FANCM: variants seen among roughly 807,000 people sequenced by gnomAD.
FANCM encodes the protein Fanconi anemia group M protein.
In FANCM, 140 loss-of-function variants were observed where a neutral mutation model predicts 199.5. The observed-to-expected ratio is 0.70, with a 90% CI of 0.61 to 0.81. The LOEUF is 0.81. Among genes scored for constraint, FANCM ranks in the 30% least tolerant of loss-of-function variants. The pLI is 0.00. For missense variants in FANCM, 2,410 were observed against 2,421.4 expected, an observed-to-expected ratio of 1.00 and a Z score of 0.10; for synonymous variants, 840 against 836.8, an observed-to-expected ratio of 1.00 and a Z score of -0.07.
chr14:45,169,035 CCTCAGCCTCCCA>C (rs1888167908), intron 11 of FANCM, among the ~76,000 whole-genome samples: 1 of 152,002 alleles, frequency 6.6e-6, no homozygotes, highest in Admixed American at 6.6e-5. Flanking sequence ...AATTCTCCTG[CCTCAGCCTCCCA>C]AGTAGCTGGG....
Position 45,176,151 on chromosome 14 carries a change from A to G in FANCM, c.3397A>G (p.Ser1133Gly). 2 of 1,613,996 alleles carry G rather than the reference A, an allele frequency of 1.2e-6. No homozygotes were observed. Among genetic ancestry groups the G allele is most frequent in the Non-Finnish European group, 1.7e-6 (2 of 1,179,928 alleles). ...LPVLSTDQDE[S>G]LLLFEDVNTE... ...AGTATTGTCCACTGATCAAGATGAA[A>G]GTTTGCTGTTATTTGAAGATGTTAA... Residue 1133 changes from serine (S) to glycine (G), a missense_variant, in exon 14 of 23, where the codon AGT (serine) becomes GGT (glycine). By Grantham distance (56) the Ser-to-Gly change is moderately conservative (BLOSUM62 0). Transcript: ENST00000267430.
At chr14:45,149,037 T>G in intron 4 of FANCM, 42 bp downstream of exon 4, 1 of 1,409,488 alleles carries the variant, frequency 7.1e-7, no homozygotes, top group East Asian at 2.3e-5. Context: ...ATAAATAAAC[T>G]GGTAATTGAA....
chr14:45,197,324 TGAA>T (rs1348587510), intron 21 of FANCM, among the ~76,000 whole-genome samples: 1 of 152,160 alleles, frequency 6.6e-6, no homozygotes, highest in Non-Finnish European at 1.5e-5. Flanking sequence ...GCGGAAGAAT[TGAA>T]GAATTATACT....
chr14:45,155,926 T>A (rs1887156401), intron 8 of FANCM, among the ~76,000 whole-genome samples: 1 of 152,124 alleles, frequency 6.6e-6, no homozygotes, highest in Non-Finnish European at 1.5e-5. Flanking sequence ...TGTGAGAAAT[T>A]TTGGAAGGGC....
At chr14:45,187,227 T>C (rs1306416365) in intron 18 of FANCM, among the ~76,000 whole-genome samples, 1 of 151,812 alleles carries the variant, frequency 6.6e-6, no homozygotes, top group African/African-American at 2.4e-5. Flanking sequence ...TTTTTTAAAG[T>C]ACCTCGAAAT....
chr14:45,145,968 A>G (rs2139139064), intron 3 of FANCM, among the ~76,000 whole-genome samples: 1 of 147,476 alleles, frequency 6.8e-6, no homozygotes, highest in Admixed American at 6.7e-5. Context: ...CTGAGGCAGG[A>G]GAATGGCGTG....
At chr14:45,187,758 T>G (rs1215602070) in intron 18 of FANCM, 23 bp from the exon 19 acceptor site, 1 of 1,167,728 alleles carries the variant, frequency 8.6e-7, no homozygotes, top group Non-Finnish European at 1.3e-6. Context: ...TGCTAATTTA[T>G]CTAAATTCTT....
In FANCM at chr14:45,136,077, A is replaced by G. The variant is rs755236908; in HGVS notation, c.46A>G (p.Ile16Val). The change falls in exon 1 of 23, where the codon ATC becomes GTC. Residue 16 changes from isoleucine (I) to valine (V), a missense_variant. Physicochemically the swap from Ile to Val is conservative, Grantham distance 29. Coordinates refer to ENST00000267430, the MANE Select transcript of FANCM (RefSeq NM_020937.4). ...RTLFQTWGSS[I>V]SRSSGTPGCS... The stretch of plus-strand genomic sequence containing the variant: ...GCTTTTTCAGACGTGGGGCTCAAGT[A>G]TCTCCCGATCATCTGGGACTCCGGG... 1.2e-6 allele frequency: 2 copies of G among 1,614,024 alleles called. No individual in the cohort carries two copies. The highest frequency in any genetic ancestry group is 1.7e-5 in the Admixed American group (1 of 60,024).
intron 21 of FANCM, 161 bp from the exon 22 acceptor site, chr14:45,198,483 G>A (rs1890188476): frequency 2.0e-6 from 1 of 500,410 alleles, no homozygotes; most frequent in Admixed American, 3.3e-5. Context: ...TTCTTTCTCA[G>A]ATATTTGAGA....
At position 45,180,477 on chromosome 14, in the gene FANCM, C is replaced by T. The variant is rs946301166; in HGVS notation, c.4223-953C>T. Reference sequence around the variant, plus strand: ...TTTTTTCCCCCACCAGGCAGGGTCTCGCTTTGTCACTCAGGCTAGATTGTA... The same window carrying T: ...TTTTTTCCCCCACCAGGCAGGGTCTTGCTTTGTCACTCAGGCTAGATTGTA... On this transcript the variant is annotated intron_variant, in intron 14 of 22. Transcript: ENST00000267430. Among the ~76,000 whole-genome samples, 13 of 151,618 alleles carry T rather than the reference C, an allele frequency of 8.6e-5. No homozygotes were observed. The South Asian group carries it at 1.9e-3, about 22-fold the overall frequency.
At chr14:45,167,194 T>A in intron 11 of FANCM, 31 bp downstream of exon 11, 1 of 1,255,174 alleles carries the variant, frequency 8.0e-7, no homozygotes, top group South Asian at 1.2e-5. Flanking sequence ...ACACATGCAT[T>A]TTTCCCCTGT....
intron 4 of FANCM, 26 bp downstream of exon 4, chr14:45,149,021 G>T (rs184750038): frequency 3.9e-6 from 6 of 1,557,234 alleles, no homozygotes; most frequent in African/African-American, 2.7e-5. Context: ...GACATTTAGG[G>T]ATTTCATAAA....
chr14:45,162,155 GCA>G (rs1887653316), intron 9 of FANCM, among the ~76,000 whole-genome samples: 1 of 152,164 alleles, frequency 6.6e-6, no homozygotes, highest in Non-Finnish European at 1.5e-5. Context: ...GGAGGCCAAG[GCA>G]GGTGTATCAT....
chr14:45,148,401 G>C (rs986711427), intron 3 of FANCM, among the ~76,000 whole-genome samples: 1 of 151,454 alleles, frequency 6.6e-6, no homozygotes, highest in Non-Finnish European at 1.5e-5. Flanking sequence ...ATAAGCTTTG[G>C]GTACATGAAA....
rs112787624 is a variant in FANCM at position 45,179,604 on chromosome 14, C to G, written c.4223-1826C>G. On this transcript the variant is annotated intron_variant, in intron 14 of 22. Transcript: ENST00000267430. Reference sequence around the variant, plus strand: ...TTTGAGACAGTCTCACTCTGTCACCCAGGCTGGAGTGCAATGGCACGATCT... The same window carrying G: ...TTTGAGACAGTCTCACTCTGTCACCGAGGCTGGAGTGCAATGGCACGATCT... Among the ~76,000 whole-genome samples the G allele has an allele frequency of 7.0e-3, 1,021 of 144,930 alleles. 21 individuals carry two copies. Among genetic ancestry groups the G allele is most frequent in the African/African-American group, 0.025 (969 of 38,884 alleles).
chr14:45,151,573 T>G (rs762837048), intron 5 of FANCM, 45 bp downstream of exon 5: 1 of 1,551,900 alleles, frequency 6.4e-7, no homozygotes, highest in Admixed American at 1.7e-5. Flanking sequence ...AAATTTTCAC[T>G]GAAAGCCAGG....
intron 5 of FANCM, 137 bp from the exon 6 acceptor site, chr14:45,153,783 G>A: frequency 1.3e-6 from 1 of 766,864 alleles, no homozygotes; most frequent in South Asian, 1.4e-5. Context: ...GGTTATAGCA[G>A]TGTAGAAGGG....
At chr14:45,168,337 C>T (rs757229243) in intron 11 of FANCM, among the ~76,000 whole-genome samples, 1 of 152,062 alleles carries the variant, frequency 6.6e-6, no homozygotes, top group Non-Finnish European at 1.5e-5. Flanking sequence ...AATAAAAACA[C>T]AGCATGTCTT....
intron 10 of FANCM, among the ~76,000 whole-genome samples, chr14:45,165,380 T>C (rs1887898030): frequency 6.6e-6 from 1 of 152,068 alleles, no homozygotes; most frequent in Non-Finnish European, 1.5e-5. Flanking sequence ...ACCCCGTCTC[T>C]ACTAAAAGAA....
Sources: gnomAD v4.1 joint callset for allele counts (sites outside exome capture counted in the v4.1 genomes callset) on GRCh38, gnomAD v4.1.1 for gene constraint, MANE v1.5 for transcripts, NCBI Gene and HGNC (gene_info 2026-07-23, HGNC 2026-07-21) for gene names.